NDST2: variants seen among roughly 807,000 people sequenced by gnomAD.
NDST2 encodes bifunctional heparan sulfate N-deacetylase/N-sulfotransferase 2.
NDST2 carries 32 observed loss-of-function variants against 86.9 expected under a neutral mutation model. The ratio of observed to expected loss-of-function variants is 0.37; its 90% confidence interval spans 0.28 to 0.49. The LOEUF (loss-of-function observed/expected upper bound fraction) is 0.49. Ranked by LOEUF, NDST2 falls within the 20% of genes least tolerant of loss-of-function variation. The pLI is 0.97. For missense variants in NDST2, 950 were observed against 1,146.9 expected, an observed-to-expected ratio of 0.83 and a Z score of 2.48; for synonymous variants, 409 against 437.0, an observed-to-expected ratio of 0.94 and a Z score of 0.80.
chr10:73,803,439 G>T, intron 11 of NDST2, 80 bp from the exon 12 acceptor site: 1 of 1,560,670 alleles, frequency 6.4e-7, no homozygotes, highest in Non-Finnish European at 8.8e-7. Context: ...GAGACAGACA[G>T]CACAGCACGG....
chr10:73,803,290 G>T lies in NDST2; in HGVS notation c.2212C>A (p.Gln738Lys). 1.2e-6 allele frequency: 2 copies of T among 1,614,194 alleles called. No individual in the cohort carries two copies. Among genetic ancestry groups the T allele is most frequent in the Non-Finnish European group, 1.7e-6 (2 of 1,180,026 alleles). The change falls in exon 12 of 15, where the codon CAG (glutamine) becomes AAG (lysine). Residue 738 changes from glutamine (Q) to lysine (K), a missense_variant. Around this residue, in one of 5 missense-constraint regions of NDST2, gnomAD observed 303 missense variants for 323.7 expected, o/e 0.94. Transcript: ENST00000309979. Reference protein sequence around the residue: ...TFYQVISASSQTPLALRSLQN... With the variant: ...TFYQVISASSKTPLALRSLQN... ...AGGGAGCGTAGTGCCAGAGGGGTCT[G>T]GGAGGAGGCTGAAATCACCTGATAG... is the stretch of plus-strand genomic sequence containing the variant.
At chr10:73,802,833 A>C (rs2132854973) in intron 13 of NDST2, 57 bp from the exon 14 acceptor site, 6 of 1,558,360 alleles carry the variant, frequency 3.9e-6, no homozygotes, top group Non-Finnish European at 5.3e-6. Context: ...CAAGTTCCAT[A>C]AATGCACAAT....
chr10:73,802,863 G>T, intron 13 of NDST2, 87 bp from the exon 14 acceptor site: 1 of 1,510,334 alleles, frequency 6.6e-7, no homozygotes, highest in Non-Finnish European at 9.2e-7. Flanking sequence ...TGCCCACAGG[G>T]ACATGTCTCT....
At chr10:73,810,243 A>T (rs1328494845) in intron 2 of NDST2, among the ~76,000 whole-genome samples, 1 of 152,098 alleles carries the variant, frequency 6.6e-6, no homozygotes, top group Non-Finnish European at 1.5e-5. Context: ...TGATCACTTG[A>T]GGTCAGGAGT....
Position 73,802,509 on chromosome 10 carries a change from A to C in NDST2, c.2594T>G (p.Leu865Arg). Residue 865 changes from leucine to arginine, a missense_variant, in exon 15 of 15, where the codon CTT becomes CGT. Leu to Arg is a moderately radical substitution (Grantham distance 102). Transcript: ENST00000309979. ...NLELSKLLSR[L>R]GQPVPSWLRE... ...AAGCCACGAGGGCACTGGCTGTCCA[A>C]GCCGGCTCAGCAGCTTCGACAACTC... 6.2e-7 allele frequency: 1 copy of C among 1,614,054 alleles called. No individual in the cohort carries two copies. Among genetic ancestry groups the C allele is most frequent in the Non-Finnish European group, 8.5e-7 (1 of 1,180,036 alleles).
In NDST2 at chr10:73,808,541, G is replaced by A. The variant is rs2084147612; in HGVS notation, c.-153C>T. The A allele has an allele frequency of 5.5e-6, 4 of 722,538 alleles. No homozygotes were observed. In the East Asian group the frequency reaches 8.1e-5, roughly 15 times the overall value. 44.8% of individuals were successfully genotyped at this position (722,538 alleles called of 1,614,324 possible). A position where few individuals can be genotyped will look rare whatever the true frequency, so the allele number is the denominator to read the frequency against. ...AGTTTCCTTTACGAGGTGGAGACGA[G>A]TCCCCTTAGCATAGGGTAGGGGAGG... On this transcript the variant is annotated 5_prime_UTR_variant, in exon 3 of 15. Coordinates refer to ENST00000309979, the MANE Select transcript of NDST2 (RefSeq NM_003635.4). The surrounding 1 kb of genome is among the most constrained non-coding windows in gnomAD (Gnocchi z 4.3).
At position 73,808,613 on chromosome 10, in the gene NDST2, G is replaced by T; in HGVS notation, c.-225C>A. 2.0e-6 allele frequency: 1 copy of T among 508,250 alleles called. No individual in the cohort carries two copies. The highest frequency in any genetic ancestry group is 3.5e-6 in the Non-Finnish European group (1 of 287,060). 31.5% of individuals were successfully genotyped at this position (508,250 alleles called of 1,614,324 possible). A position where few individuals can be genotyped will look rare whatever the true frequency, so the allele number is the denominator to read the frequency against. ...ACTATACAGAGTCCACTTGTCTCAG[G>T]TCACCATGGCCCCCTGGCCCATGGC... On this transcript the variant is annotated 5_prime_UTR_variant, in exon 3 of 15. Transcript: ENST00000309979. The surrounding 1 kb of genome is among the most constrained non-coding windows in gnomAD (Gnocchi z 4.3).
chr10:73,806,726 C>T lies in NDST2; in HGVS notation c.1179G>A (p.Met393Ile). Reference sequence around the variant, plus strand: ...AGCGATTGTGGAACAGGTGTGGCTGCATGTGGCTCCACATGTGGGGGAACC... The same window carrying T: ...AGCGATTGTGGAACAGGTGTGGCTGTATGTGGCTCCACATGTGGGGGAACC... Reference protein sequence around the residue: ...FWWFPHMWSHMQPHLFHNRSV... With the variant: ...FWWFPHMWSHIQPHLFHNRSV... Residue 393 changes from methionine to isoleucine, a missense_variant, in exon 5 of 15, where the codon ATG becomes ATA. Coordinates refer to ENST00000309979, the MANE Select transcript of NDST2 (RefSeq NM_003635.4). This position sits in a 1 kb window ranked among gnomAD's most constrained non-coding sequence, Gnocchi z 4.5. 21 of 1,614,156 alleles carry T rather than the reference C, an allele frequency of 1.3e-5. No individual in the cohort carries two copies. Among genetic ancestry groups the T allele is most frequent in the Non-Finnish European group, 1.8e-5 (21 of 1,180,034 alleles).
chr10:73,804,176 G>T, intron 9 of NDST2, 160 bp from the exon 10 acceptor site: 1 of 718,700 alleles, frequency 1.4e-6, no homozygotes, highest in Non-Finnish European at 2.3e-6. Flanking sequence ...GAGGCCCAGG[G>T]AAGGGCTAAA....
rs954045067 is a variant in NDST2 at position 73,806,178 on chromosome 10, T to G, written c.1434+111A>C. ...AATTTTTTCACCTTTCTACCCCCAA[T>G]TATGTACCCCCATACTTGGACTGGC... On this transcript the variant is annotated intron_variant, in intron 6 of 14. Coordinates refer to ENST00000309979, the MANE Select transcript of NDST2 (RefSeq NM_003635.4). The surrounding 1 kb of genome is among the most constrained non-coding windows in gnomAD (Gnocchi z 4.5). The G allele has an allele frequency of 6.5e-7, 1 of 1,527,710 alleles. No homozygotes were observed. The highest frequency in any genetic ancestry group is 1.4e-5 in the African/African-American group (1 of 73,078). The allele number at this position is 1,527,710 out of a possible 1,614,324, so 94.6% of individuals were successfully genotyped here.
In NDST2 at chr10:73,806,098, TTA is replaced by T; in HGVS notation, c.1435-72_1435-71del. ...AGAAGTAGATGGAGGACACTGGGATTTATAGAGGACTGAGTCTGAAGTTATAG... is the reference window on the plus strand; with the variant it reads ...AGAAGTAGATGGAGGACACTGGGATTTAGAGGACTGAGTCTGAAGTTATAG... On this transcript the variant is annotated intron_variant, in intron 6 of 14. Coordinates refer to ENST00000309979, the MANE Select transcript of NDST2 (RefSeq NM_003635.4). This position sits in a 1 kb window ranked among gnomAD's most constrained non-coding sequence, Gnocchi z 4.5. 3 of 1,586,438 alleles carry T rather than the reference TTA, an allele frequency of 1.9e-6. No individual in the cohort carries two copies. The Admixed American group carries it at 5.2e-5, about 27-fold the overall frequency.
At chr10:73,803,483 A>T in intron 11 of NDST2, 91 bp downstream of exon 11, 2 of 1,516,042 alleles carry the variant, frequency 1.3e-6, no homozygotes, top group Non-Finnish European at 1.8e-6. Flanking sequence ...TAAGTTTCTC[A>T]AACCTCACTC....
intron 9 of NDST2, among the ~76,000 whole-genome samples, chr10:73,804,438 C>T (rs1233626296): frequency 1.3e-5 from 2 of 151,916 alleles, no homozygotes; most frequent in African/African-American, 2.4e-5. Context: ...GTCAAGAGTT[C>T]GAGACCAGCC....
chr10:73,804,637 C>T (rs1394654251), intron 9 of NDST2, 136 bp downstream of exon 9: 2 of 365,342 alleles, frequency 5.5e-6, no homozygotes, highest in African/African-American at 2.3e-5. Context: ...ACTCTTATCT[C>T]AAAAAAAAAA....
chr10:73,805,989 TTG>T lies in NDST2; in HGVS notation c.1472_1473del (p.Thr491AsnfsTer4). 1 of 1,614,072 alleles carries T rather than the reference TTG, an allele frequency of 6.2e-7. No homozygotes were observed. Among genetic ancestry groups the T allele is most frequent in the Non-Finnish European group, 8.5e-7 (1 of 1,180,018 alleles). On this transcript the variant is annotated frameshift_variant, in exon 7 of 15. Transcript: ENST00000309979. LOFTEE classifies it high-confidence loss of function. ...CCTCCAGGATACTCATTATAGAAGA[TTG>T]TGTGAGTGAAGAGGCCACATGTCTG... ...PRQTCGLFTH[T>X]IFYNEYPGGS...
At position 73,806,239 on chromosome 10, in the gene NDST2, G is replaced by C; in HGVS notation, c.1434+50C>G. The C allele has an allele frequency of 6.2e-7, 1 of 1,604,180 alleles. No individual in the cohort carries two copies. Among genetic ancestry groups the C allele is most frequent in the Non-Finnish European group, 8.5e-7 (1 of 1,172,396 alleles). On this transcript the variant is annotated intron_variant, in intron 6 of 14. Transcript: ENST00000309979. This position sits in a 1 kb window ranked among gnomAD's most constrained non-coding sequence, Gnocchi z 4.5. ...GAACATAGGTCAATGCATGTTGAAA[G>C]CTGTCTAAATGTTAGAGTTTGATTC...
intron 13 of NDST2, 53 bp from the exon 14 acceptor site, chr10:73,802,829 C>T (rs2084017327): frequency 6.4e-7 from 1 of 1,566,268 alleles, no homozygotes; most frequent in Non-Finnish European, 8.8e-7. Flanking sequence ...AACTCAAGTT[C>T]CATAAATGCA....
chr10:73,804,637 CA>C (rs540403202), intron 9 of NDST2, 135 bp downstream of exon 9: 40,215 of 351,056 alleles, frequency 0.11, 74 homozygotes, highest in South Asian at 0.17. Flanking sequence ...ACTCTTATCT[CA>C]AAAAAAAAAA....
intron 7 of NDST2, 32 bp downstream of exon 7, chr10:73,805,868 C>T: frequency 1.2e-6 from 2 of 1,613,860 alleles, no homozygotes; most frequent in Non-Finnish European, 1.7e-6. Context: ...CTTGGCTCTC[C>T]AATCTTCTAG....
Sources: gnomAD v4.1 joint callset for allele counts (sites outside exome capture counted in the v4.1 genomes callset) on GRCh38, gnomAD v4.1.1 for gene constraint, gnomAD v4.1.1 regional missense constraint, Gnocchi (gnomAD v3.1) non-coding constraint, MANE v1.5 for transcripts, NCBI Gene and HGNC (gene_info 2026-07-23, HGNC 2026-07-21) for gene names.